The following RFFL variants were observed in gnomAD, a reference collection of about 807,000 sequenced individuals.
RFFL encodes the protein ring finger and FYVE like domain containing E3 ubiquitin protein ligase.
RFFL carries 16 observed loss-of-function variants against 40.4 expected under a neutral mutation model. That is an observed-to-expected ratio of 0.40 (90% confidence interval 0.27 to 0.60). The LOEUF (loss-of-function observed/expected upper bound fraction) is 0.60, where lower values mean the gene tolerates loss of function less well. RFFL is among the 20% of genes least tolerant of loss of function. The pLI, the probability that RFFL is intolerant of heterozygous loss-of-function variation, is 0.47. For synonymous variants in RFFL, 154 were observed against 167.9 expected (o/e 0.92, Z 0.64); for missense variants, 367 against 451.7 (o/e 0.81, Z 1.70).
At chr17:35,030,463 T>G (rs1199163895) in intron 1 of RFFL, among the ~76,000 whole-genome samples, 1 of 152,020 alleles carries the variant, frequency 6.6e-6, no homozygotes, top group African/African-American at 2.4e-5. Context: ...CATTTTTTTG[T>G]GTGTGTTTTT....
chr17:35,021,418 C>T lies in RFFL; in HGVS notation c.544G>A (p.Ala182Thr), dbSNP rs1332504477. 1.3e-6 allele frequency: 2 copies of T among 1,534,668 alleles called. No individual in the cohort carries two copies. Among genetic ancestry groups the T allele is most frequent in the African/African-American group, 2.8e-5 (2 of 72,318 alleles). The change falls in exon 3 of 7, where the codon GCA becomes ACA. Residue 182 changes from alanine to threonine, a missense_variant. By Grantham distance (58) the Ala-to-Thr change is moderately conservative. Transcript: ENST00000394597. ...PTSPNLPSSS[A>T]QATSVPPAQV... ...GCTGGGGGAACAGAGGTGGCTTGTG[C>T]AGATGAAGAGGGGAGGTTGGGTGAG...
intron 1 of RFFL, among the ~76,000 whole-genome samples, chr17:35,028,180 A>G (rs1229342578): frequency 6.6e-6 from 1 of 151,932 alleles, no homozygotes; most frequent in African/African-American, 2.4e-5. Context: ...ACAAAAAAAT[A>G]CAAAAATCAG....
chr17:35,016,542 C>T lies in RFFL; in HGVS notation c.714G>A (p.Arg238=). The T allele has an allele frequency of 6.2e-7, 1 of 1,614,116 alleles. No homozygotes were observed. Among genetic ancestry groups the T allele is most frequent in the Non-Finnish European group, 8.5e-7 (1 of 1,180,002 alleles). The change falls in exon 5 of 7, where the codon AGG becomes AGA. Residue 238 remains arginine (R), a synonymous_variant. Coordinates refer to ENST00000394597, the MANE Select transcript of RFFL (RefSeq NM_001017368.2). ...GGTCAGTCAGGTCAGACAGAGAGGCCCTTCGGCCTGGGACAAAGCTGTCCT... is the reference window on the plus strand; with the variant it reads ...GGTCAGTCAGGTCAGACAGAGAGGCTCTTCGGCCTGGGACAAAGCTGTCCT... The part of the protein sequence containing the change: ...DSEDSFVPGR[R]ASLSDLTDLE...
At chr17:35,020,778 G>A (rs1194740583) in intron 3 of RFFL, among the ~76,000 whole-genome samples, 1 of 152,134 alleles carries the variant, frequency 6.6e-6, no homozygotes, top group Non-Finnish European at 1.5e-5. Context: ...CCTGGGTCAT[G>A]ATTCAGTTGA....
rs781425057 is a variant in RFFL at position 35,008,756 on chromosome 17, C to A, written c.*3212G>T. The A allele has an allele frequency of 2.6e-5, 4 of 152,142 alleles. No individual in the cohort carries two copies. Among genetic ancestry groups the A allele is most frequent in the African/African-American group, 9.7e-5 (4 of 41,428 alleles). The allele number at this position is 152,142 out of a possible 1,614,324, so 9.4% of individuals were successfully genotyped here. A position where few individuals can be genotyped will look rare whatever the true frequency, so the allele number is the denominator to read the frequency against. ...ACACCATTCTCCTGCCTCAGCCTCC[C>A]GAGTAGCTGGGACTACAGGCACCCG... On this transcript the variant is annotated 3_prime_UTR_variant, in exon 7 of 7. Transcript: ENST00000394597.
At chr17:35,021,217 C>G (rs1231517168) in intron 3 of RFFL, among the ~76,000 whole-genome samples, 154 bp downstream of exon 3, 2 of 152,032 alleles carry the variant, frequency 1.3e-5, no homozygotes, top group Admixed American at 6.6e-5. Flanking sequence ...AGTCTGATAC[C>G]CAGAAAACAC....
chr17:35,087,894 C>A (rs1028649249), intron 1 of RFFL, among the ~76,000 whole-genome samples: 4 of 152,164 alleles, frequency 2.6e-5, no homozygotes, highest in African/African-American at 9.7e-5. Context: ...AACCTGAAAT[C>A]CCCTGAACAG....
chr17:35,072,899 C>T (rs974628830), intron 1 of RFFL, among the ~76,000 whole-genome samples: 1 of 152,040 alleles, frequency 6.6e-6, no homozygotes, highest in African/African-American at 2.4e-5. Flanking sequence ...CAAAATTAGC[C>T]AGGCATGGTA....
intron 4 of RFFL, 62 bp downstream of exon 4, chr17:35,017,461 G>T (rs2090981354): frequency 1.9e-6 from 2 of 1,034,092 alleles, no homozygotes; most frequent in Non-Finnish European, 1.5e-6. Context: ...TCTGCTAAGA[G>T]GTTCCGAAGA....
At chr17:35,081,336 T>C (rs974299934) in intron 1 of RFFL, among the ~76,000 whole-genome samples, 1 of 152,196 alleles carries the variant, frequency 6.6e-6, no homozygotes, top group Non-Finnish European at 1.5e-5. Context: ...GTGAAACATA[T>C]AGAAAAATTA....
At position 35,021,714 on chromosome 17, in the gene RFFL, C is replaced by T. The variant is rs759922730; in HGVS notation, c.248G>A (p.Arg83His). 20 of 1,614,094 alleles carry T rather than the reference C, an allele frequency of 1.2e-5. No homozygotes were observed. Among genetic ancestry groups the T allele is most frequent in the African/African-American group, 6.7e-5 (5 of 74,932 alleles). Residue 83 changes from arginine to histidine, a missense_variant, in exon 3 of 7, where the codon CGC becomes CAC. By Grantham distance (29) the Arg-to-His change is conservative (BLOSUM62 0). Transcript: ENST00000394597. The stretch of plus-strand genomic sequence containing the variant: ...AAACCGTTGGCAGAGAAGGCAGAGG[C>T]GGGGCCCATTCCCTACTTGGCTCGA... ...TCSSQVGNGP[R>H]LCLLCQRFRA...
At chr17:35,084,138 C>T (rs768130739) in intron 1 of RFFL, among the ~76,000 whole-genome samples, 2 of 152,080 alleles carry the variant, frequency 1.3e-5, no homozygotes, top group African/African-American at 4.8e-5. Flanking sequence ...ACTTGGGAGA[C>T]GGAGGCAGGA....
upstream of RFFL, among the ~76,000 whole-genome samples, chr17:35,067,749 C>G (rs184518092): frequency 6.6e-6 from 1 of 152,258 alleles, no homozygotes; most frequent in Non-Finnish European, 1.5e-5. Context: ...GCCACTGCGC[C>G]CGGCCTTCCA....
chr17:35,026,443 G>A lies in RFFL; in HGVS notation c.111C>T (p.Phe37=). The A allele has an allele frequency of 3.7e-6, 6 of 1,613,998 alleles. No homozygotes were observed. The highest frequency in any genetic ancestry group is 5.1e-6 in the Non-Finnish European group (6 of 1,179,912). The change falls in exon 2 of 7, where the codon TTC becomes TTT. Residue 37 remains phenylalanine (F), a synonymous_variant. Coordinates refer to ENST00000394597, the MANE Select transcript of RFFL (RefSeq NM_001017368.2). ...TTGGTTCCAAGCCTGTTGGGGAAGG[G>A]AAGGAGCTGTACCCAGGGTTGGAAT... ...QAYSNPGYSS[F]PSPTGLEPSC...
chr17:35,015,012 G>T (rs2090965129), intron 5 of RFFL, among the ~76,000 whole-genome samples: 1 of 152,122 alleles, frequency 6.6e-6, no homozygotes, highest in Non-Finnish European at 1.5e-5. Context: ...TCTTGCCCAG[G>T]CTGGAGTGCA....
intron 1 of RFFL, among the ~76,000 whole-genome samples, chr17:35,030,530 G>GGC (rs2091076219): frequency 6.6e-6 from 1 of 151,992 alleles, no homozygotes; most frequent in Non-Finnish European, 1.5e-5. Flanking sequence ...CAAATCTCCT[G>GGC]ACCTCATGAT....
chr17:35,045,778 C>T (rs781290473), intron 1 of RFFL, among the ~76,000 whole-genome samples: 3 of 151,982 alleles, frequency 2.0e-5, no homozygotes, highest in Non-Finnish European at 4.4e-5. Flanking sequence ...AATCGCAGCA[C>T]TTTGGGAGGC....
At chr17:35,040,050 T>C (rs188125305) in intron 1 of RFFL, among the ~76,000 whole-genome samples, 1 of 152,282 alleles carries the variant, frequency 6.6e-6, no homozygotes, top group African/African-American at 2.4e-5. Flanking sequence ...ATTCCTAATC[T>C]CTTCAAGGTC....
At chr17:35,062,267 G>T (rs2091296424) in intron 1 of RFFL, among the ~76,000 whole-genome samples, 1 of 152,004 alleles carries the variant, frequency 6.6e-6, no homozygotes, top group Non-Finnish European at 1.5e-5. Context: ...GCTGGGCGTG[G>T]TGGCACGTAC....
Sources: allele counts gnomAD v4.1 joint callset (sites outside exome capture counted in the v4.1 genomes callset), GRCh38; gene constraint gnomAD v4.1.1; transcripts MANE v1.5; gene names NCBI Gene and HGNC (gene_info 2026-07-23, HGNC 2026-07-21).